TASP1: variants seen among roughly 807,000 people sequenced by gnomAD.
TASP1 encodes threonine aspartase 1.
TASP1 carries 16 observed loss-of-function variants against 56.6 expected under a neutral mutation model. The ratio of observed to expected loss-of-function variants is 0.28; its 90% confidence interval spans 0.19 to 0.43. The LOEUF is 0.43. Among genes scored for constraint, TASP1 ranks in the 20% least tolerant of loss-of-function variants. TASP1 has a pLI of 1.00. For synonymous variants in TASP1, 179 were observed against 184.2 expected, an observed-to-expected ratio of 0.97 and a Z score of 0.23; for missense variants, 393 against 511.6, an observed-to-expected ratio of 0.77 and a Z score of 2.24.
chr20:13,558,960 G>T, intron 8 of TASP1, 48 bp downstream of exon 8: 2 of 1,191,176 alleles, frequency 1.7e-6, no homozygotes, highest in Non-Finnish European at 1.2e-6. Flanking sequence ...AAATGCAGAA[G>T]ATATATCATC....
chr20:13,251,180 T>G, the TASP1 span, among the ~76,000 whole-genome samples: 1 of 152,192 alleles, frequency 6.6e-6, no homozygotes, highest in Non-Finnish European at 1.5e-5. Flanking sequence ...ACCCAGTAGT[T>G]GAATGGTGAG....
rs905895131 is a variant in TASP1, at chr20:13,506,870, A to G, written c.874+21563T>C. Reference sequence around the variant, plus strand: ...ACACAGTACTGCAAGTCTTAGCCAGAGAAATTAGGCCAAAAAAAAAAACAA... The same window carrying G: ...ACACAGTACTGCAAGTCTTAGCCAGGGAAATTAGGCCAAAAAAAAAAACAA... On this transcript the variant is annotated intron_variant, in intron 10 of 13. Transcript: ENST00000337743. Among the ~76,000 whole-genome samples, 21 of 134,302 alleles carry G rather than the reference A, an allele frequency of 1.6e-4. 1 individual carries two copies. Among genetic ancestry groups the G allele is most frequent in the Admixed American group, 1.2e-3 (16 of 12,896 alleles). The allele number at this position is 134,302 out of a possible 152,430, so 88.1% of individuals were successfully genotyped here. A position where few individuals can be genotyped will look rare whatever the true frequency, so the allele number is the denominator to read the frequency against.
At chr20:13,441,148 C>T (rs2043199110) in intron 11 of TASP1, among the ~76,000 whole-genome samples, 2 of 152,176 alleles carry the variant, frequency 1.3e-5, no homozygotes, top group South Asian at 4.1e-4. Context: ...TGCCCCCTCC[C>T]TTCATTCCCA....
the TASP1 span, among the ~76,000 whole-genome samples, chr20:13,152,319 C>G: frequency 5.5e-4 from 84 of 152,268 alleles, no homozygotes; most frequent in East Asian, 0.016. Context: ...TAATTATTGT[C>G]GTTATTACTA....
At chr20:13,541,504 A>C (rs1403434868) in intron 8 of TASP1, among the ~76,000 whole-genome samples, 16 of 152,104 alleles carry the variant, frequency 1.1e-4, no homozygotes, top group Admixed American at 1.0e-3. Flanking sequence ...TACCATCCAC[A>C]CACAAGCACA....
At chr20:13,125,880 C>A in the TASP1 span, among the ~76,000 whole-genome samples, 1 of 152,228 alleles carries the variant, frequency 6.6e-6, no homozygotes, top group Non-Finnish European at 1.5e-5. Context: ...ATGGAAGCAA[C>A]TGCGAAGTTG....
At chr20:13,495,226 A>T (rs576848725) in intron 10 of TASP1, among the ~76,000 whole-genome samples, 1 of 152,150 alleles carries the variant, frequency 6.6e-6, no homozygotes, top group Non-Finnish European at 1.5e-5. Flanking sequence ...GCTGAAAAGG[A>T]AGTTTGAGCC....
At chr20:13,411,918 A>G (rs539886172) in intron 13 of TASP1, among the ~76,000 whole-genome samples, 1 of 152,290 alleles carries the variant, frequency 6.6e-6, no homozygotes, top group Admixed American at 6.5e-5. Context: ...ACATGTTGGG[A>G]GCAGGAGAGG....
the TASP1 span, among the ~76,000 whole-genome samples, chr20:13,136,514 C>A: frequency 6.6e-6 from 1 of 151,698 alleles, no homozygotes. Context: ...GTGGGAGGAT[C>A]ACTTGACCCT....
In TASP1 at chr20:13,571,821, G is replaced by C. The variant is rs150928941; in HGVS notation, c.489-2235C>G. Among the ~76,000 whole-genome samples the C allele has an allele frequency of 4.6e-5, 7 of 152,218 alleles. No homozygotes were observed. The East Asian group carries it at 1.4e-3, about 29-fold the overall frequency. On this transcript the variant is annotated intron_variant, in intron 6 of 13. Coordinates refer to ENST00000337743, the MANE Select transcript of TASP1 (RefSeq NM_017714.3). ...CATCTCTTATTGCTCTTACCTCCTTGTGTACTCTACTCATTGTCGTGTAAA... is the reference window on the plus strand; with the variant it reads ...CATCTCTTATTGCTCTTACCTCCTTCTGTACTCTACTCATTGTCGTGTAAA...
chr20:13,452,950 C>A (rs538206059), intron 11 of TASP1, among the ~76,000 whole-genome samples: 1 of 152,040 alleles, frequency 6.6e-6, no homozygotes, highest in African/African-American at 2.4e-5. Flanking sequence ...CTGAAGGCTG[C>A]GTGACCAGGA....
intron 11 of TASP1, among the ~76,000 whole-genome samples, chr20:13,473,525 C>G (rs903173080): frequency 6.6e-6 from 1 of 152,008 alleles, no homozygotes; most frequent in Non-Finnish European, 1.5e-5. Flanking sequence ...TTGCCAAAAG[C>G]CTTATGTGGC....
chr20:13,261,879 G>C, the TASP1 span, among the ~76,000 whole-genome samples: 3 of 152,192 alleles, frequency 2.0e-5, no homozygotes, highest in Non-Finnish European at 4.4e-5. Context: ...TTAATTTCCA[G>C]GTTCTCCCTC....
chr20:13,117,476 T>C, the TASP1 span: 1 of 1,536,056 alleles, frequency 6.5e-7, no homozygotes, highest in South Asian at 1.3e-5. Context: ...GGGTATTTGT[T>C]AGTTATGAGC....
intron 6 of TASP1, among the ~76,000 whole-genome samples, chr20:13,576,475 T>C (rs2046932794): frequency 6.6e-6 from 1 of 152,040 alleles, no homozygotes; most frequent in Non-Finnish European, 1.5e-5. Flanking sequence ...GTCAATATGT[T>C]AAAATCAATC....
intron 10 of TASP1, among the ~76,000 whole-genome samples, chr20:13,492,993 T>C (rs1224112802): frequency 6.6e-6 from 1 of 152,092 alleles, no homozygotes; most frequent in Non-Finnish European, 1.5e-5. Flanking sequence ...CATATATTAG[T>C]TTTTATCACT....
At chr20:13,250,521 C>T in the TASP1 span, among the ~76,000 whole-genome samples, 3 of 152,188 alleles carry the variant, frequency 2.0e-5, no homozygotes, top group Admixed American at 1.3e-4. Flanking sequence ...TGCCAGGCAG[C>T]TTCCAAAACT....
At chr20:13,478,764 A>G (rs1192459214) in intron 11 of TASP1, among the ~76,000 whole-genome samples, 1 of 152,108 alleles carries the variant, frequency 6.6e-6, no homozygotes, top group Non-Finnish European at 1.5e-5. Context: ...TATGTTCCAA[A>G]CTCTAGAGCA....
At chr20:13,378,545 A>G in the TASP1 span, among the ~76,000 whole-genome samples, 1 of 152,148 alleles carries the variant, frequency 6.6e-6, no homozygotes, top group Non-Finnish European at 1.5e-5. Context: ...AAGATTGTCT[A>G]TTCTGTTGAT....
Sources: allele counts gnomAD v4.1 joint callset (sites outside exome capture counted in the v4.1 genomes callset), GRCh38; gene constraint gnomAD v4.1.1; transcripts MANE v1.5; gene names NCBI Gene and HGNC (gene_info 2026-07-23, HGNC 2026-07-21).